Variants in C11orf65 observed in about 807,000 individuals in gnomAD.
The protein encoded by C11orf65 is chromosome 11 open reading frame 65, also known as protein MFI.
Under a neutral mutation model 35.3 loss-of-function variants are expected in C11orf65, and 38 were observed. That is an observed-to-expected ratio of 1.08 (90% CI 0.83 to 1.41). The LOEUF is 1.41. Ranked by LOEUF, C11orf65 falls within the 40% of genes most tolerant of loss-of-function variation. C11orf65 has a pLI of 0.00. For synonymous variants in C11orf65, 105 were observed against 114.4 expected, an observed-to-expected ratio of 0.92 and a Z score of 0.53; for missense variants, 370 against 367.1, an observed-to-expected ratio of 1.01 and a Z score of -0.06.
chr11:108,358,563 C>G (rs1477241888), intron 2 of C11orf65, among the ~76,000 whole-genome samples: 2 of 124,410 alleles, frequency 1.6e-5, no homozygotes, highest in East Asian at 2.2e-4. Context: ...GGGTTACCCT[C>G]AAAGGGAAGC....
intron 6 of C11orf65, chr11:108,310,381 G>A (rs1357025650): frequency 6.8e-7 from 1 of 1,475,818 alleles, no homozygotes; most frequent in South Asian, 1.2e-5. Flanking sequence ...AGGGTATATA[G>A]TAAAGATTTA....
chr11:108,399,752 C>G (rs1419851862), intron 6 of C11orf65, among the ~76,000 whole-genome samples: 2 of 152,210 alleles, frequency 1.3e-5, no homozygotes, highest in Non-Finnish European at 2.9e-5. Context: ...GTGCTACGTA[C>G]TCTCAATTTT....
chr11:108,459,430 CCT>C (rs548877264), intron 2 of C11orf65, among the ~76,000 whole-genome samples: 24 of 152,070 alleles, frequency 1.6e-4, no homozygotes, highest in South Asian at 6.2e-4. Context: ...TCAATTAACC[CCT>C]GTCTTCAGTC....
intron 7 of C11orf65, among the ~76,000 whole-genome samples, chr11:108,391,177 T>C (rs1346897199): frequency 1.3e-5 from 2 of 152,228 alleles, no homozygotes; most frequent in African/African-American, 2.4e-5. Flanking sequence ...TACATTTCTT[T>C]ACTTACACTA....
intron 1 of C11orf65, among the ~76,000 whole-genome samples, chr11:108,464,612 G>A (rs936001525): frequency 6.6e-6 from 1 of 152,030 alleles, no homozygotes; most frequent in African/African-American, 2.4e-5. Flanking sequence ...CACCCACCTC[G>A]GCCTCCCAAA....
intron 6 of C11orf65, among the ~76,000 whole-genome samples, chr11:108,322,508 A>G (rs770500736): frequency 2.6e-5 from 4 of 152,156 alleles, no homozygotes; most frequent in Non-Finnish European, 5.9e-5. Flanking sequence ...CATTCAGTGG[A>G]TAGTGGATGT....
intron 6 of C11orf65, among the ~76,000 whole-genome samples, chr11:108,315,291 A>G (rs909215462): frequency 3.3e-5 from 5 of 152,260 alleles, no homozygotes; most frequent in Non-Finnish European, 5.9e-5. Context: ...ATCTTATGCA[A>G]TTATGATTTA....
chr11:108,378,989 G>A (rs2091801466), downstream of C11orf65, among the ~76,000 whole-genome samples: 1 of 152,168 alleles, frequency 6.6e-6, no homozygotes, highest in Non-Finnish European at 1.5e-5. Flanking sequence ...AGGTGCTGGA[G>A]AGGATGTGGA....
At chr11:108,328,874 T>C (rs189336242), downstream of C11orf65, 3,358 of 870,210 alleles carry the variant, frequency 3.9e-3, 12 homozygotes, top group Non-Finnish European at 5.1e-3. Context: ...GGGCCGTGGG[T>C]TGGACAAGTT....
chr11:108,354,765 C>T (rs2089677490), intron 2 of C11orf65: 1 of 1,493,178 alleles, frequency 6.7e-7, no homozygotes. Context: ...ACGTTGACAA[C>T]ATTGGTGTGT....
intron 2 of C11orf65, chr11:108,345,996 G>C (rs1008411433): frequency 6.8e-7 from 1 of 1,460,636 alleles, no homozygotes; most frequent in Admixed American, 1.7e-5. Flanking sequence ...TCTACATTCT[G>C]AGTTGCAGGG....
chr11:108,412,353 C>T (rs1477291743), intron 3 of C11orf65, among the ~76,000 whole-genome samples: 2 of 151,332 alleles, frequency 1.3e-5, no homozygotes, highest in African/African-American at 4.9e-5. Flanking sequence ...ATTACAAATA[C>T]AATAAATATC....
chr11:108,446,862 A>G (rs988049729), intron 2 of C11orf65, among the ~76,000 whole-genome samples: 5 of 152,192 alleles, frequency 3.3e-5, no homozygotes, highest in African/African-American at 7.2e-5. Flanking sequence ...GTCAAGACCC[A>G]TCAGTGTGCT....
intron 6 of C11orf65, among the ~76,000 whole-genome samples, chr11:108,399,437 T>A (rs1354216751): frequency 6.6e-6 from 1 of 152,188 alleles, no homozygotes; most frequent in African/African-American, 2.4e-5. Flanking sequence ...CCACAAGTTG[T>A]GCCCACTGGA....
At chr11:108,430,660 A>G (rs890287196) in intron 3 of C11orf65, among the ~76,000 whole-genome samples, 1 of 151,898 alleles carries the variant, frequency 6.6e-6, no homozygotes, top group African/African-American at 2.4e-5. Context: ...CTTGAGCAAC[A>G]TGGCAAAACC....
chr11:108,425,432 C>T (rs988236957), intron 3 of C11orf65, among the ~76,000 whole-genome samples: 1 of 152,116 alleles, frequency 6.6e-6, no homozygotes, highest in Non-Finnish European at 1.5e-5. Context: ...CATACACCCT[C>T]CCAAGACTAA....
intron 2 of C11orf65, among the ~76,000 whole-genome samples, chr11:108,374,994 AC>A (rs2091683814): frequency 6.6e-6 from 1 of 152,216 alleles, no homozygotes; most frequent in African/African-American, 2.4e-5. Flanking sequence ...ATGTGAAAAG[AC>A]CAAATCTACA....
At chr11:108,421,366 C>T (rs2092813614) in intron 3 of C11orf65, among the ~76,000 whole-genome samples, 1 of 152,078 alleles carries the variant, frequency 6.6e-6, no homozygotes, top group South Asian at 2.1e-4. Context: ...AATCAAAATA[C>T]ACAACCAGGC....
chr11:108,463,179 G>GT lies in C11orf65; in HGVS notation c.-9-1612dup, dbSNP rs1364743685. Among the ~76,000 whole-genome samples, 5 of 152,146 alleles carry GT rather than the reference G, an allele frequency of 3.3e-5. No homozygotes were observed. In the East Asian group the frequency reaches 9.6e-4, roughly 29 times the overall value. On this transcript the variant is annotated intron_variant, in intron 1 of 8. Coordinates refer to ENST00000393084, the MANE Select transcript of C11orf65 (RefSeq NM_152587.5). ...TTGGTGCATGTAAAATGCAAAACGT[G>GT]TAAGGATTTACAAATCCCAAAGCCC...
Sources: allele counts gnomAD v4.1 joint callset (sites outside exome capture counted in the v4.1 genomes callset), GRCh38; gene constraint gnomAD v4.1.1; transcripts MANE v1.5; gene names NCBI Gene and HGNC (gene_info 2026-07-23, HGNC 2026-07-21).